Variants in EML5 observed in about 807,000 individuals in gnomAD.
The protein encoded by EML5 is EMAP like 5.
A neutral mutation model predicts 250.0 loss-of-function variants in EML5; 120 were observed. The ratio of observed to expected loss-of-function variants is 0.48; its 90% CI spans 0.41 to 0.56. EML5 has a LOEUF of 0.56. EML5 is among the 20% of genes least tolerant of loss of function. The pLI, the probability that EML5 is intolerant of heterozygous loss-of-function variation, is 0.00. For synonymous variants in EML5, 771 were observed against 806.5 expected, an observed-to-expected ratio of 0.96 and a Z score of 0.75; for missense variants, 2,006 against 2,437.6, an observed-to-expected ratio of 0.82 and a Z score of 3.73.
At chr14:88,644,571 TCTCA>T (rs2091247585) in intron 29 of EML5, 60 bp from the exon 30 acceptor site, 1 of 1,460,288 alleles carries the variant, frequency 6.8e-7, no homozygotes, top group African/African-American at 1.4e-5. Context: ...TCACTGAGCC[TCTCA>T]CACCATCCCT....
intron 31 of EML5, among the ~76,000 whole-genome samples, chr14:88,641,017 G>A (rs2091034769): frequency 6.6e-6 from 1 of 151,902 alleles, no homozygotes; most frequent in Non-Finnish European, 1.5e-5. Flanking sequence ...AAAATCTAGA[G>A]GAGATGGATA....
At chr14:88,684,852 G>GTATACA (rs1567118666) in intron 20 of EML5, among the ~76,000 whole-genome samples, 163 bp downstream of exon 20, 1 of 151,602 alleles carries the variant, frequency 6.6e-6, no homozygotes, top group African/African-American at 2.4e-5. Context: ...TTCTGTATAC[G>GTATACA]TTAAAATTTT....
intron 2 of EML5, among the ~76,000 whole-genome samples, chr14:88,747,583 G>A (rs772993989): frequency 5.3e-5 from 8 of 152,058 alleles, no homozygotes; most frequent in Non-Finnish European, 7.4e-5. Flanking sequence ...TAAGCTTAAC[G>A]TGAGAAATAA....
Position 88,788,536 on chromosome 14 carries a change from T to TA in EML5, c.197+3770dup, listed in dbSNP as rs36066768. On this transcript the variant is annotated intron_variant, in intron 1 of 43. Coordinates refer to ENST00000554922, the MANE Select transcript of EML5 (RefSeq NM_183387.3). The stretch of plus-strand genomic sequence containing the variant: ...AACTGGTGAGACCCTTTCACTATGT[T>TA]AAAAAAAAAAAAAAGTACTCTAAAT... Among the ~76,000 whole-genome samples, 1,369 of 142,368 alleles carry TA rather than the reference T, an allele frequency of 9.6e-3. 13 individuals carry two copies. Among genetic ancestry groups the TA allele is most frequent in the Middle Eastern group, 0.038 (10 of 266 alleles). The allele number at this position is 142,368 out of a possible 152,430, so 93.4% of individuals were successfully genotyped here. A position where few individuals can be genotyped will look rare whatever the true frequency, so the allele number is the denominator to read the frequency against.
rs1198457752 is a variant in EML5, at chr14:88,620,401, T to A, written c.5375+353A>T. ...TTACTAAGAGAAGATATGTTTGAAA[T>A]CACAACTTTAGTTTTCCAGGGTGAC... On this transcript the variant is annotated intron_variant, in intron 39 of 43. Transcript: ENST00000554922. The surrounding 1 kb of genome is among the most constrained non-coding windows in gnomAD (Gnocchi z 4.3). 1 of 179,992 alleles carries A rather than the reference T, an allele frequency of 5.6e-6. No homozygotes were observed. Among genetic ancestry groups the A allele is most frequent in the Non-Finnish European group, 1.1e-5 (1 of 87,536 alleles). The allele number at this position is 179,992 out of a possible 1,614,324, so 11.1% of individuals were successfully genotyped here.
intron 1 of EML5, among the ~76,000 whole-genome samples, chr14:88,757,658 A>T (rs1198529752): frequency 6.6e-6 from 1 of 152,216 alleles, no homozygotes; most frequent in Non-Finnish European, 1.5e-5. Flanking sequence ...AAACAAATAA[A>T]GGATTTTAAC....
chr14:88,705,919 T>C, intron 11 of EML5: 1 of 547,672 alleles, frequency 1.8e-6, no homozygotes, highest in South Asian at 1.6e-5. Flanking sequence ...ATGCAACAGA[T>C]GAATTGACAT....
Position 88,616,889 on chromosome 14 carries a change from A to G in EML5, c.5643-10T>C. On this transcript the variant is annotated splice_polypyrimidine_tract_variant and intron_variant, in intron 41 of 43. Transcript: ENST00000554922. ...CTCATCTCCTAGAATACTAGAGGGA[A>G]GGAACAAAAGAAAACTCATCATGGC... The G allele has an allele frequency of 6.2e-7, 1 of 1,611,190 alleles. No homozygotes were observed. The highest frequency in any genetic ancestry group is 8.5e-7 in the Non-Finnish European group (1 of 1,178,800).
intron 7 of EML5, among the ~76,000 whole-genome samples, chr14:88,729,721 C>T (rs982189596): frequency 9.2e-5 from 14 of 151,816 alleles, no homozygotes; most frequent in East Asian, 1.9e-4. Context: ...CACCATTCCC[C>T]GGCTTATTTT....
intron 1 of EML5, among the ~76,000 whole-genome samples, chr14:88,789,016 T>C (rs1454200395): frequency 2.0e-5 from 3 of 151,778 alleles, no homozygotes; most frequent in African/African-American, 4.8e-5. Context: ...TGAGCAGTGA[T>C]TGCACCATTG....
rs955294343 is a variant in EML5, at chr14:88,792,403, T to C, written c.101A>G (p.Lys34Arg). The C allele has an allele frequency of 7.7e-6, 12 of 1,565,974 alleles. No individual in the cohort carries two copies. The highest frequency in any genetic ancestry group is 5.6e-5 in the Admixed American group (3 of 53,656). ...CRNNLYYTAAKEIVYFVAGVG... is the reference protein window; with the variant it reads ...CRNNLYYTAAREIVYFVAGVG... ...CCCCGCCACGAAGTATACGATCTCC[T>C]TGGCCGCAGTGTAGTAGAGGTTGTT... The change falls in exon 1 of 44, where the codon AAG (lysine) becomes AGG (arginine). Residue 34 changes from lysine to arginine, a missense_variant. Lys to Arg is a conservative substitution (Grantham distance 26). This residue lies in a region of EML5 where 162 missense variants were observed against 212.2 expected (regional missense o/e 0.76). Coordinates refer to ENST00000554922, the MANE Select transcript of EML5 (RefSeq NM_183387.3). This position sits in a 1 kb window ranked among gnomAD's most constrained non-coding sequence, Gnocchi z 6.9.
At chr14:88,630,699 A>G (rs1313679003) in intron 33 of EML5, among the ~76,000 whole-genome samples, 3 of 152,230 alleles carry the variant, frequency 2.0e-5, no homozygotes, top group African/African-American at 7.2e-5. Context: ...AAGTCAGGCT[A>G]AAATGACTCA....
chr14:88,719,807 T>C (rs780559995), intron 8 of EML5, among the ~76,000 whole-genome samples: 12 of 151,994 alleles, frequency 7.9e-5, no homozygotes, highest in East Asian at 1.9e-4. Flanking sequence ...ACAAAGGAGA[T>C]AGACACATGA....
intron 9 of EML5, among the ~76,000 whole-genome samples, chr14:88,714,491 T>C (rs2093460477): frequency 6.6e-6 from 1 of 152,162 alleles, no homozygotes; most frequent in Non-Finnish European, 1.5e-5. Flanking sequence ...GTACAGTTAA[T>C]AATGCTGTTA....
chr14:88,675,486 A>T (rs1336553892), intron 21 of EML5, among the ~76,000 whole-genome samples: 1 of 152,216 alleles, frequency 6.6e-6, no homozygotes, highest in African/African-American at 2.4e-5. Flanking sequence ...GCAGGGTACC[A>T]AGTCCCTAGG....
chr14:88,692,519 G>A (rs2092984225), intron 17 of EML5, among the ~76,000 whole-genome samples: 2 of 152,126 alleles, frequency 1.3e-5, no homozygotes, highest in South Asian at 2.1e-4. Context: ...AGAAATGACT[G>A]AAAATATACA....
Position 88,695,430 on chromosome 14 carries a change from A to G in EML5, c.2369T>C (p.Val790Ala), listed in dbSNP as rs756419136. 2.5e-5 allele frequency: 40 copies of G among 1,612,402 alleles called. No homozygotes were observed. Among genetic ancestry groups the G allele is most frequent in the Non-Finnish European group, 3.1e-5 (37 of 1,179,290 alleles). ...FSADGKRLAS[V>A]GIDDSHTVVL... is the part of the protein sequence containing the mutation. ...AACAGTATGGCTATCATCTATGCCA[A>G]CTGATGCCAAACGTTTCCCATCCGC... The change falls in exon 16 of 44, where the codon GTT (valine) becomes GCT (alanine). Residue 790 changes from valine (V) to alanine (A), a missense_variant. Coordinates refer to ENST00000554922, the MANE Select transcript of EML5 (RefSeq NM_183387.3).
chr14:88,627,733 A>G lies in EML5; in HGVS notation c.4444T>C (p.Ser1482Pro), dbSNP rs1402850202. 1 of 1,613,174 alleles carries G rather than the reference A, an allele frequency of 6.2e-7. No individual in the cohort carries two copies. The highest frequency in any genetic ancestry group is 8.5e-7 in the Non-Finnish European group (1 of 1,179,612). The change falls in exon 34 of 44, where the codon TCA becomes CCA. Residue 1482 changes from serine to proline, a missense_variant. Around this residue, in one of 7 missense-constraint regions of EML5, gnomAD observed 3 missense variants for 20.1 expected, o/e 0.15. Coordinates refer to ENST00000554922, the MANE Select transcript of EML5 (RefSeq NM_183387.3). ...LRCYHSKGVC[S>P]VSFSATGKLL... ...TTGCCAGTAGCACTGAAGCTGACTG[A>G]ACATACTCCCTTTGAATGGTAGCAT...
intron 31 of EML5, among the ~76,000 whole-genome samples, chr14:88,642,149 G>A (rs1171280409): frequency 6.6e-6 from 1 of 152,184 alleles, no homozygotes; most frequent in Non-Finnish European, 1.5e-5. Context: ...CATTCAGGAT[G>A]AAGCTATCAG....
Sources: gnomAD v4.1 joint callset for allele counts (sites outside exome capture counted in the v4.1 genomes callset) on GRCh38, gnomAD v4.1.1 for gene constraint, gnomAD v4.1.1 regional missense constraint, Gnocchi (gnomAD v3.1) non-coding constraint, MANE v1.5 for transcripts, NCBI Gene and HGNC (gene_info 2026-07-23, HGNC 2026-07-21) for gene names.